CEP63: variants seen among roughly 807,000 people sequenced by gnomAD.
CEP63 encodes the protein centrosomal protein 63.
Under a neutral mutation model 89.1 loss-of-function variants are expected in CEP63, and 84 were observed. The ratio of observed to expected loss-of-function variants is 0.94; its 90% CI spans 0.79 to 1.13. CEP63 has a LOEUF of 1.13. Among genes scored for constraint, CEP63 ranks in the 50% most tolerant of loss-of-function variants. The pLI is 0.00. For missense variants in CEP63, 838 were observed against 813.3 expected (o/e 1.03, Z -0.37); for synonymous variants, 267 against 272.5 (o/e 0.98, Z 0.20).
At chr3:134,578,347 T>TG (rs1958266138), downstream of CEP63, among the ~76,000 whole-genome samples, 1 of 150,492 alleles carries the variant, frequency 6.6e-6, no homozygotes, top group Admixed American at 6.6e-5. Flanking sequence ...TTTTTTTTTT[T>TG]GAGATGGAGT....
rs1266738040 is a variant in CEP63 at position 134,514,150 on chromosome 3, AAG to A, written c.222+6866_222+6867del. Among the ~76,000 whole-genome samples, 7 of 152,216 alleles carry A rather than the reference AAG, an allele frequency of 4.6e-5. No homozygotes were observed. The South Asian group carries it at 1.2e-3, about 27-fold the overall frequency. On this transcript the variant is annotated intron_variant, in intron 3 of 14. Coordinates refer to ENST00000675561, the MANE Select transcript of CEP63 (RefSeq NM_001353108.3). ...AAAGATAAGATTGAGCATTTCGAAA[AAG>A]AATTAAAAACTGTAAAAAAAATGAG...
chr3:134,486,199 C>A lies in CEP63; in HGVS notation c.-29C>A. The stretch of plus-strand genomic sequence containing the variant: ...GTGGCGCGCGTGCGCAGCGCCGGCC[C>A]GAGGTAACGGCGGGAAGGCTCAGGG... On this transcript the variant is annotated 5_prime_UTR_variant, in exon 1 of 15. Transcript: ENST00000675561. The A allele has an allele frequency of 4.1e-6, 4 of 985,606 alleles. No homozygotes were observed. Among genetic ancestry groups the A allele is most frequent in the Non-Finnish European group, 4.8e-6 (4 of 830,036 alleles). 61.1% of individuals were successfully genotyped at this position (985,606 alleles called of 1,614,324 possible). A position where few individuals can be genotyped will look rare whatever the true frequency, so the allele number is the denominator to read the frequency against.
downstream of CEP63, among the ~76,000 whole-genome samples, chr3:134,569,047 G>A (rs576052038): frequency 5.9e-5 from 9 of 152,274 alleles, no homozygotes; most frequent in South Asian, 2.1e-4. Flanking sequence ...CAGATCTTGC[G>A]AGACTTATTC....
At chr3:134,504,971 T>TA (rs1428634557) in intron 2 of CEP63, among the ~76,000 whole-genome samples, 1 of 152,220 alleles carries the variant, frequency 6.6e-6, no homozygotes, top group Non-Finnish European at 1.5e-5. Context: ...TGGCTCTTTT[T>TA]AATGATATCC....
the CEP63 span, among the ~76,000 whole-genome samples, chr3:134,660,040 G>C: frequency 2.6e-5 from 4 of 152,264 alleles, no homozygotes; most frequent in Non-Finnish European, 5.9e-5. Context: ...AGTTGGAAAG[G>C]ATGAAATGAG....
chr3:134,536,599 T>C (rs1255758159), intron 5 of CEP63: 1 of 158,828 alleles, frequency 6.3e-6, no homozygotes, highest in Non-Finnish European at 1.4e-5. Context: ...ATTCAAACTT[T>C]TGCAGTTCCT....
At chr3:134,603,758 C>G in the CEP63 span, 1 of 1,612,122 alleles carries the variant, frequency 6.2e-7, no homozygotes, top group African/African-American at 1.3e-5. Context: ...TTGGCAATAC[C>G]ATGCAGCTTC....
intron 8 of CEP63, among the ~76,000 whole-genome samples, chr3:134,546,594 T>G (rs1230088411): frequency 6.6e-6 from 1 of 152,128 alleles, no homozygotes; most frequent in Non-Finnish European, 1.5e-5. Context: ...TAACCTCAGG[T>G]GATCTGCCCA....
chr3:134,488,607 T>G (rs1936504510), intron 1 of CEP63, among the ~76,000 whole-genome samples: 1 of 151,914 alleles, frequency 6.6e-6, no homozygotes, highest in Non-Finnish European at 1.5e-5. Flanking sequence ...AGACTCGGTC[T>G]CAAAAAACAA....
chr3:134,512,850 T>A (rs908824158), intron 3 of CEP63, among the ~76,000 whole-genome samples: 1 of 152,232 alleles, frequency 6.6e-6, no homozygotes, highest in Non-Finnish European at 1.5e-5. Context: ...ATGGTAAATA[T>A]TATTCACAGT....
At chr3:134,715,507 C>G in the CEP63 span, among the ~76,000 whole-genome samples, 2 of 140,422 alleles carry the variant, frequency 1.4e-5, no homozygotes, top group African/African-American at 5.2e-5. Flanking sequence ...GTTGTGCAGC[C>G]AGGAAAGGTT....
chr3:134,776,506 G>T, the CEP63 span, among the ~76,000 whole-genome samples: 7 of 152,120 alleles, frequency 4.6e-5, no homozygotes, highest in African/African-American at 1.7e-4. Context: ...GGCACATGGG[G>T]CTAATGGCTG....
the CEP63 span, among the ~76,000 whole-genome samples, chr3:134,697,870 G>A: frequency 6.6e-6 from 1 of 152,222 alleles, no homozygotes; most frequent in East Asian, 1.9e-4. Flanking sequence ...AAATCAAGGA[G>A]TATGAAACTG....
chr3:134,711,624 A>G, the CEP63 span, among the ~76,000 whole-genome samples: 1 of 152,104 alleles, frequency 6.6e-6, no homozygotes, highest in Non-Finnish European at 1.5e-5. Context: ...GATAATTAAT[A>G]TTTTGACTAT....
intron 1 of CEP63, among the ~76,000 whole-genome samples, chr3:134,494,149 T>C (rs1041375644): frequency 8.6e-5 from 13 of 151,646 alleles, no homozygotes; most frequent in South Asian, 6.2e-4. Flanking sequence ...GGAATCTCTG[T>C]CTGCCACCCA....
the CEP63 span, among the ~76,000 whole-genome samples, chr3:134,657,442 ATATAG>A: frequency 1.3e-5 from 2 of 152,192 alleles, no homozygotes; most frequent in Non-Finnish European, 2.9e-5. Flanking sequence ...ATTGCACCAT[ATATAG>A]TTTGGTATCA....
chr3:134,524,033 T>C (rs13065405), intron 3 of CEP63, among the ~76,000 whole-genome samples: 48,408 of 152,010 alleles, frequency 0.32, 7,993 homozygotes, highest in African/African-American at 0.36. Flanking sequence ...ATGGAATGTT[T>C]TTCCATTTGT....
the CEP63 span, among the ~76,000 whole-genome samples, chr3:134,629,904 G>A: frequency 6.6e-6 from 1 of 152,194 alleles, no homozygotes; most frequent in African/African-American, 2.4e-5. Context: ...AGCACACTCA[G>A]CCCTGTCTCT....
downstream of CEP63, among the ~76,000 whole-genome samples, chr3:134,568,914 C>A (rs752404586): frequency 3.9e-5 from 6 of 152,200 alleles, no homozygotes; most frequent in Non-Finnish European, 8.8e-5. Context: ...AATAGACTTA[C>A]AGTTCCACGT....
Sources: allele counts gnomAD v4.1 joint callset (sites outside exome capture counted in the v4.1 genomes callset), GRCh38; gene constraint gnomAD v4.1.1; transcripts MANE v1.5; gene names NCBI Gene and HGNC (gene_info 2026-07-23, HGNC 2026-07-21).